CYSTM1: variants seen among roughly 807,000 people sequenced by gnomAD.
The protein encoded by CYSTM1 is cysteine rich transmembrane module containing 1.
A neutral mutation model predicts 13.1 loss-of-function variants in CYSTM1; 4 were observed. That is an observed-to-expected ratio of 0.31 (90% CI 0.15 to 0.70). The LOEUF (loss-of-function observed/expected upper bound fraction) is 0.70, where lower values mean the gene tolerates loss of function less well. CYSTM1 is among the 30% of genes least tolerant of loss of function. The pLI is 0.72. For synonymous variants in CYSTM1, 36 were observed against 42.7 expected (o/e 0.84, Z 0.62); for missense variants, 96 against 121.6 (o/e 0.79, Z 0.99).
At chr5:140,183,000 T>G (rs1763976344) in intron 1 of CYSTM1, among the ~76,000 whole-genome samples, 1 of 152,152 alleles carries the variant, frequency 6.6e-6, no homozygotes, top group Non-Finnish European at 1.5e-5. Flanking sequence ...CCAGGCTGGC[T>G]TGGTATTCAT....
chr5:140,178,866 T>A (rs904325717), intron 1 of CYSTM1, among the ~76,000 whole-genome samples: 2 of 152,036 alleles, frequency 1.3e-5, no homozygotes, highest in African/African-American at 4.8e-5. Context: ...CCTCCCAAAG[T>A]GCTGGGATTA....
intron 2 of CYSTM1, among the ~76,000 whole-genome samples, chr5:140,233,917 A>G (rs1764647812): frequency 6.6e-6 from 1 of 152,160 alleles, no homozygotes; most frequent in South Asian, 2.1e-4. Context: ...TCTGTAGCCT[A>G]TCTTTTCATC....
At position 140,177,071 on chromosome 5, in the gene CYSTM1, A is replaced by AAAAAAAAACAACAAAAAAACAAC. The variant is rs1763898547; in HGVS notation, c.-21+1794_-21+1795insCAACAAAAAAACAACAAAAAAAA. On this transcript the variant is annotated intron_variant, in intron 1 of 2. Transcript: ENST00000261811. ...GCGACAGAGCGAGACTCTGTCTCAA[A>AAAAAAAAACAACAAAAAAACAAC]AAAAAAAAAAAAAAAATCTCTAGTC... Among the ~76,000 whole-genome samples the AAAAAAAAACAACAAAAAAACAAC allele has an allele frequency of 2.7e-5, 4 of 149,172 alleles. 1 individual carries two copies. The highest frequency in any genetic ancestry group is 9.9e-5 in the African/African-American group (4 of 40,586).
chr5:140,223,526 G>A, intron 2 of CYSTM1, among the ~76,000 whole-genome samples: 1 of 152,250 alleles, frequency 6.6e-6, no homozygotes, highest in East Asian at 1.9e-4. Context: ...TGACAAAAAG[G>A]ATCAGTACAT....
intron 2 of CYSTM1, among the ~76,000 whole-genome samples, chr5:140,196,044 A>T (rs966012732): frequency 1.3e-5 from 2 of 151,948 alleles, no homozygotes; most frequent in African/African-American, 4.8e-5. Flanking sequence ...CCATCTCAAA[A>T]AAAAAAAAAG....
chr5:140,236,557 A>G (rs1764683671), intron 2 of CYSTM1, among the ~76,000 whole-genome samples: 1 of 152,252 alleles, frequency 6.6e-6, no homozygotes, highest in Admixed American at 6.5e-5. Context: ...CTCTCTGTAA[A>G]TTGAGAGCTT....
rs778027206 is a variant in CYSTM1, at chr5:140,243,334, G to A, written c.217G>A (p.Glu73Lys). ...TGTGGTAGAAGACCAAAGAAGAGATGAGCTAGGACCATCCACCTGCCTCAC... is the reference window on the plus strand; with the variant it reads ...TGTGGTAGAAGACCAAAGAAGAGATAAGCTAGGACCATCCACCTGCCTCAC... ...VYVVEDQRRD[E>K]LGPSTCLTAC... The change falls in exon 3 of 3, where the codon GAG becomes AAG. Residue 73 changes from glutamate (E) to lysine (K), a missense_variant. Glu to Lys is a moderately conservative substitution (Grantham distance 56). Coordinates refer to ENST00000261811, the MANE Select transcript of CYSTM1 (RefSeq NM_032412.4). The A allele has an allele frequency of 2.1e-5, 34 of 1,614,040 alleles. No homozygotes were observed. The highest frequency in any genetic ancestry group is 2.4e-5 in the Non-Finnish European group (28 of 1,180,028).
At chr5:140,193,007 CTATT>C (rs1366961844) in intron 1 of CYSTM1, among the ~76,000 whole-genome samples, 1 of 152,174 alleles carries the variant, frequency 6.6e-6, no homozygotes, top group Non-Finnish European at 1.5e-5. Flanking sequence ...GGAACCTAGA[CTATT>C]TATAACTATT....
intron 2 of CYSTM1, among the ~76,000 whole-genome samples, chr5:140,216,758 T>A (rs1561814683): frequency 6.6e-6 from 1 of 152,180 alleles, no homozygotes; most frequent in African/African-American, 2.4e-5. Context: ...TTTCCTCATT[T>A]GATCAAGGGT....
intron 2 of CYSTM1, chr5:140,202,835 T>C (rs1407848486): frequency 1.3e-5 from 2 of 152,212 alleles, no homozygotes; most frequent in African/African-American, 4.8e-5. Flanking sequence ...AAACCAGTGT[T>C]GGGTTTCTCC....
chr5:140,198,230 A>G (rs1376332978), intron 2 of CYSTM1, among the ~76,000 whole-genome samples: 1 of 152,230 alleles, frequency 6.6e-6, no homozygotes, highest in Non-Finnish European at 1.5e-5. Flanking sequence ...TGAGACTCAG[A>G]AAGGTTGTTT....
At chr5:140,222,324 G>A (rs1290106857) in intron 2 of CYSTM1, among the ~76,000 whole-genome samples, 1 of 152,232 alleles carries the variant, frequency 6.6e-6, no homozygotes, top group Admixed American at 6.5e-5. Context: ...TCCTAGGAAA[G>A]TATATTTCTG....
chr5:140,227,835 T>C (rs1764576199), intron 2 of CYSTM1, among the ~76,000 whole-genome samples: 4 of 152,174 alleles, frequency 2.6e-5, no homozygotes, highest in Admixed American at 2.0e-4. Flanking sequence ...CAGACGAGCC[T>C]GGATTTGAGA....
intron 2 of CYSTM1, among the ~76,000 whole-genome samples, chr5:140,203,788 T>A (rs1036620692): frequency 6.6e-6 from 1 of 152,208 alleles, no homozygotes; most frequent in African/African-American, 2.4e-5. Context: ...ATACCTTGAA[T>A]CATCAGAAGT....
chr5:140,227,364 A>G (rs1764570107), intron 2 of CYSTM1, among the ~76,000 whole-genome samples: 1 of 152,156 alleles, frequency 6.6e-6, no homozygotes, highest in African/African-American at 2.4e-5. Flanking sequence ...TTGCAGCAGT[A>G]TAGGGGTCCT....
intron 2 of CYSTM1, among the ~76,000 whole-genome samples, chr5:140,243,010 C>T (rs933724451): frequency 2.6e-4 from 39 of 152,336 alleles, no homozygotes; most frequent in African/African-American, 9.4e-4. Context: ...GGTTTACAAA[C>T]CAAGTAGGGT....
chr5:140,224,037 G>C (rs551330017), intron 2 of CYSTM1, among the ~76,000 whole-genome samples: 2 of 152,332 alleles, frequency 1.3e-5, no homozygotes, highest in South Asian at 4.1e-4. Context: ...TCAGGTGGAG[G>C]CAGGGTGGAT....
At chr5:140,195,835 A>G (rs1764150114) in intron 2 of CYSTM1, among the ~76,000 whole-genome samples, 1 of 151,504 alleles carries the variant, frequency 6.6e-6, no homozygotes, top group African/African-American at 2.4e-5. Flanking sequence ...ACCTGAGGTC[A>G]GGAGTTCAAG....
At chr5:140,212,983 G>GTGTATATATATATATATACATATATA (rs1405430820) in intron 2 of CYSTM1, among the ~76,000 whole-genome samples, 1 of 114,294 alleles carries the variant, frequency 8.7e-6, no homozygotes, top group Non-Finnish European at 1.8e-5. Flanking sequence ...CAAAACAAAA[G>GTGTATATATATATATATACATATATA]TATATATATA....
Sources: allele counts gnomAD v4.1 joint callset (sites outside exome capture counted in the v4.1 genomes callset), GRCh38; gene constraint gnomAD v4.1.1; transcripts MANE v1.5; gene names NCBI Gene and HGNC (gene_info 2026-07-23, HGNC 2026-07-21).